The following CDH13 variants were observed in gnomAD, a reference collection of about 807,000 sequenced individuals.
CDH13 encodes cadherin-13.
Under a neutral mutation model 63.8 loss-of-function variants are expected in CDH13, and 24 were observed. The observed-to-expected ratio is 0.38, with a 90% confidence interval of 0.27 to 0.53. The LOEUF (loss-of-function observed/expected upper bound fraction) is 0.53, where lower values mean the gene tolerates loss of function less well. CDH13 is among the 20% of genes least tolerant of loss of function. CDH13 has a pLI of 0.85. For missense variants in CDH13, 1,049 were observed against 903.1 expected, an observed-to-expected ratio of 1.16 and a Z score of -2.07; for synonymous variants, 503 against 355.3, an observed-to-expected ratio of 1.42 and a Z score of -4.67.
chr16:83,280,840 G>T (rs1190099330), intron 5 of CDH13, among the ~76,000 whole-genome samples: 4 of 152,184 alleles, frequency 2.6e-5, no homozygotes, highest in Non-Finnish European at 4.4e-5. Flanking sequence ...GGGTCACTAG[G>T]TATATTGTCA....
chr16:82,781,581 C>T lies in CDH13; in HGVS notation c.46-76781C>T, dbSNP rs558568593. On this transcript the variant is annotated intron_variant, in intron 1 of 13. Coordinates refer to ENST00000567109, the MANE Select transcript of CDH13 (RefSeq NM_001257.5). ...TCATCCATCCATCCACCCACCTACC[C>T]ACTTATTCACCAATCCACCTATTAA... Among the ~76,000 whole-genome samples the T allele has an allele frequency of 1.2e-3, 182 of 152,208 alleles. 2 individuals carry two copies. Among genetic ancestry groups the T allele is most frequent in the Middle Eastern group, 0.01 (3 of 294 alleles).
chr16:82,780,523 A>C (rs1242254139), intron 1 of CDH13, among the ~76,000 whole-genome samples: 2 of 152,148 alleles, frequency 1.3e-5, no homozygotes, highest in Admixed American at 6.6e-5. Flanking sequence ...AATTGATTCC[A>C]GGTGATGCTG....
intron 1 of CDH13, among the ~76,000 whole-genome samples, chr16:82,636,963 T>C (rs987726523): frequency 1.1e-4 from 16 of 152,318 alleles, no homozygotes; most frequent in African/African-American, 3.6e-4. Context: ...ACTCGTGGTA[T>C]GACCTTCAGC....
At chr16:83,147,708 TCCA>T in intron 4 of CDH13, among the ~76,000 whole-genome samples, 1 of 152,106 alleles carries the variant, frequency 6.6e-6, no homozygotes, top group Non-Finnish European at 1.5e-5. Flanking sequence ...CCACTTGCGT[TCCA>T]CCCCTAGGTT....
At chr16:83,573,581 AG>A (rs1904840551) in intron 7 of CDH13, among the ~76,000 whole-genome samples, 1 of 152,216 alleles carries the variant, frequency 6.6e-6, no homozygotes, top group Non-Finnish European at 1.5e-5. Flanking sequence ...TACTTAACAA[AG>A]GGGCCTATGC....
chr16:82,884,257 A>G (rs2040807744), intron 2 of CDH13: 1 of 453,788 alleles, frequency 2.2e-6, no homozygotes, highest in Non-Finnish European at 4.4e-6. Flanking sequence ...TGAGAAGGAA[A>G]TCTGCAGGTA....
At chr16:82,765,814 A>G (rs1439658821) in intron 1 of CDH13, among the ~76,000 whole-genome samples, 1 of 152,168 alleles carries the variant, frequency 6.6e-6, no homozygotes, top group East Asian at 1.9e-4. Flanking sequence ...GCATCTACAT[A>G]GGACCAGGCC....
At chr16:83,204,475 G>A (rs185216290) in intron 4 of CDH13, among the ~76,000 whole-genome samples, 15 of 152,246 alleles carry the variant, frequency 9.9e-5, no homozygotes, top group African/African-American at 3.4e-4. Flanking sequence ...GCATATTTAT[G>A]TACCTAAGCA....
chr16:82,642,257 A>T lies in CDH13; in HGVS notation c.45+15120A>T, dbSNP rs903239815. ...TTGACACACAATAGAGTTGCATTTAACTCAGAGGTTAGACTATAAGGTCAG... is the reference window on the plus strand; with the variant it reads ...TTGACACACAATAGAGTTGCATTTATCTCAGAGGTTAGACTATAAGGTCAG... On this transcript the variant is annotated intron_variant, in intron 1 of 13. Transcript: ENST00000567109. Among the ~76,000 whole-genome samples, 4 of 152,274 alleles carry T rather than the reference A, an allele frequency of 2.6e-5. No individual in the cohort carries two copies. In the South Asian group the frequency reaches 6.2e-4, roughly 24 times the overall value.
intron 10 of CDH13, among the ~76,000 whole-genome samples, chr16:83,692,322 G>A (rs148398286): frequency 2.0e-5 from 3 of 152,290 alleles, no homozygotes; most frequent in Admixed American, 2.0e-4. Context: ...ATGGACTCAA[G>A]GTTGCTCCCT....
chr16:83,410,757 G>C (rs1301944838), intron 6 of CDH13, among the ~76,000 whole-genome samples: 1 of 152,148 alleles, frequency 6.6e-6, no homozygotes, highest in Non-Finnish European at 1.5e-5. Context: ...TTATGTTCAA[G>C]TAACTGAGTC....
At chr16:82,880,000 T>C (rs1395513371) in intron 2 of CDH13, among the ~76,000 whole-genome samples, 1 of 147,440 alleles carries the variant, frequency 6.8e-6, no homozygotes, top group East Asian at 1.9e-4. Context: ...TATTAATATA[T>C]AATAGATTAT....
rs1302173153 is a variant in CDH13 at position 83,799,914 on chromosome 16, A to T, written c.*4884A>T. On this transcript the variant is annotated 3_prime_UTR_variant, in exon 14 of 14. Coordinates refer to ENST00000567109, the MANE Select transcript of CDH13 (RefSeq NM_001257.5). ...AAAAATGGTGGGAATGGGTGTGTGT[A>T]TGAGGGTTTCAGATAAGAACTTCAA... is the stretch of plus-strand genomic sequence containing the variant. 6.6e-6 allele frequency: 1 copy of T among 151,996 alleles called. No homozygotes were observed. The highest frequency in any genetic ancestry group is 1.5e-5 in the Non-Finnish European group (1 of 68,004). The allele number at this position is 151,996 out of a possible 1,614,324, so 9.4% of individuals were successfully genotyped here.
rs200367998 is a variant in CDH13, at chr16:83,670,924, A to G, written c.1236A>G (p.Glu412=). The part of the protein sequence containing the change: ...IINGNPGQSF[E]IHTNPQTNEG... ...ACGGAAACCCCGGGCAGAGCTTTGAAATCCACACCAACCCTCAAACCAACG... is the reference window on the plus strand; with the variant it reads ...ACGGAAACCCCGGGCAGAGCTTTGAGATCCACACCAACCCTCAAACCAACG... Residue 412 remains glutamate, a synonymous_variant, in exon 9 of 14, where the codon GAA becomes GAG. Coordinates refer to ENST00000567109, the MANE Select transcript of CDH13 (RefSeq NM_001257.5). 187 of 1,611,298 alleles carry G rather than the reference A, an allele frequency of 1.2e-4. No homozygotes were observed. The highest frequency in any genetic ancestry group is 1.6e-4 in the Non-Finnish European group (185 of 1,178,036).
chr16:82,704,422 T>C (rs1169188198), intron 1 of CDH13, among the ~76,000 whole-genome samples: 1 of 152,248 alleles, frequency 6.6e-6, no homozygotes, highest in Non-Finnish European at 1.5e-5. Flanking sequence ...CTTCATTTAT[T>C]CATTCATTCA....
intron 1 of CDH13, among the ~76,000 whole-genome samples, chr16:82,724,459 T>A (rs74712503): frequency 0.015 from 2,324 of 152,322 alleles, 30 homozygotes; most frequent in Non-Finnish European, 0.022. Flanking sequence ...AATGATAAAC[T>A]GAGGCCTTGA....
At chr16:83,602,679 G>T in intron 8 of CDH13, 85 bp downstream of exon 8, 1 of 1,366,014 alleles carries the variant, frequency 7.3e-7, no homozygotes, top group East Asian at 2.3e-5. Context: ...CACAGCACCT[G>T]CTGGCCCCCC....
intron 2 of CDH13, among the ~76,000 whole-genome samples, chr16:82,911,681 C>CTT (rs2041835213): frequency 6.6e-6 from 1 of 152,154 alleles, no homozygotes; most frequent in East Asian, 1.9e-4. Context: ...ATGCAGACAG[C>CTT]ACCTGGTAAA....
chr16:83,572,506 CA>C (rs2150708241), intron 7 of CDH13, among the ~76,000 whole-genome samples: 1 of 152,294 alleles, frequency 6.6e-6, no homozygotes, highest in East Asian at 1.9e-4. Flanking sequence ...CATCTCGTCT[CA>C]CCTGGATGGA....
Sources: allele counts gnomAD v4.1 joint callset (sites outside exome capture counted in the v4.1 genomes callset), GRCh38; gene constraint gnomAD v4.1.1; transcripts MANE v1.5; gene names NCBI Gene and HGNC (gene_info 2026-07-23, HGNC 2026-07-21).